TXN2: variants seen among roughly 807,000 people sequenced by gnomAD.
TXN2 encodes thioredoxin 2, also known as thioredoxin, mitochondrial.
Under a neutral mutation model 14.6 loss-of-function variants are expected in TXN2, and 12 were observed. The observed-to-expected ratio is 0.82, with a 90% CI of 0.53 to 1.33. The LOEUF (loss-of-function observed/expected upper bound fraction) is 1.33. TXN2 is among the 40% of genes most tolerant of loss of function. TXN2 has a pLI of 0.00. For synonymous variants in TXN2, 89 were observed against 81.0 expected, an observed-to-expected ratio of 1.10 and a Z score of -0.53; for missense variants, 173 against 207.7, an observed-to-expected ratio of 0.83 and a Z score of 1.03.
At chr22:36,471,665 T>A (rs1026719642) in intron 3 of TXN2, among the ~76,000 whole-genome samples, 3 of 152,176 alleles carry the variant, frequency 2.0e-5, no homozygotes, top group Non-Finnish European at 4.4e-5. Flanking sequence ...GGTGAGCAAC[T>A]GTTCCAAAAT....
chr22:36,480,878 G>C, intron 1 of TXN2, 41 bp from the exon 2 acceptor site: 1 of 1,514,780 alleles, frequency 6.6e-7, no homozygotes, highest in Non-Finnish European at 8.8e-7. Flanking sequence ...CACACAAAAG[G>C]AAGTCGACAC....
intron 3 of TXN2, 96 bp from the exon 4 acceptor site, chr22:36,468,013 C>G (rs1028166985): frequency 2.8e-6 from 3 of 1,065,216 alleles, no homozygotes; most frequent in Middle Eastern, 2.0e-4. Flanking sequence ...GTGGCTTATC[C>G]AGGGCACTGA....
rs192827377 is a variant in TXN2, at chr22:36,473,870, G to A, written c.387+2863C>T. Among the ~76,000 whole-genome samples, 177 of 152,302 alleles carry A rather than the reference G, an allele frequency of 1.2e-3. 3 individuals carry two copies. The Middle Eastern group carries it at 0.037, about 32-fold the overall frequency. ...CCCGGGGACGGTCCTCGGCATTCCC[G>A]CCACCCCACGAGACACTGGAGCAGG... is the stretch of plus-strand genomic sequence containing the variant. On this transcript the variant is annotated intron_variant, in intron 3 of 3. Transcript: ENST00000216185.
chr22:36,468,566 C>A (rs1049083275), intron 3 of TXN2: 3 of 350,260 alleles, frequency 8.6e-6, no homozygotes, highest in African/African-American at 4.4e-5. Context: ...TTTACTAAAC[C>A]CCCCCAAAAT....
At chr22:36,475,645 A>G (rs942744760) in intron 3 of TXN2, among the ~76,000 whole-genome samples, 1 of 152,154 alleles carries the variant, frequency 6.6e-6, no homozygotes, top group Admixed American at 6.5e-5. Context: ...TCCAATACCA[A>G]CCAGTCCTTT....
chr22:36,471,911 A>C (rs1478258394), intron 3 of TXN2, among the ~76,000 whole-genome samples: 2 of 151,216 alleles, frequency 1.3e-5, no homozygotes, highest in African/African-American at 4.9e-5. Flanking sequence ...TGGAGGTCGC[A>C]GTGAGCCGAG....
intron 2 of TXN2, 40 bp downstream of exon 2, chr22:36,480,535 C>A: frequency 6.3e-7 from 1 of 1,593,030 alleles, no homozygotes. Context: ...AATACTTGAA[C>A]AAGTAGGACC....
At chr22:36,478,132 C>CAAA (rs778032940) in intron 2 of TXN2, among the ~76,000 whole-genome samples, 1,750 of 67,322 alleles carry the variant, frequency 0.026, 65 homozygotes, top group African/African-American at 0.089. Flanking sequence ...GACTCTGTCT[C>CAAA]AAAAAAAAAA....
chr22:36,479,211 G>GTA (rs1012480238), intron 2 of TXN2, among the ~76,000 whole-genome samples: 1 of 152,170 alleles, frequency 6.6e-6, no homozygotes, highest in African/African-American at 2.4e-5. Flanking sequence ...TACAAGTGAA[G>GTA]AAAGGGAGCA....
intron 2 of TXN2, 104 bp from the exon 3 acceptor site, chr22:36,476,960 T>C (rs531288808): frequency 7.9e-5 from 121 of 1,534,298 alleles, no homozygotes; most frequent in Non-Finnish European, 1.0e-4. Context: ...TTGCCCTTAT[T>C]ATCTCTGTTT....
intron 3 of TXN2, among the ~76,000 whole-genome samples, chr22:36,473,843 C>G (rs534465204): frequency 6.6e-6 from 1 of 152,376 alleles, no homozygotes; most frequent in South Asian, 2.1e-4. Flanking sequence ...CCACAACAGC[C>G]TCCCGGGGAC....
chr22:36,474,278 C>T (rs753036199), intron 3 of TXN2, among the ~76,000 whole-genome samples: 1 of 152,162 alleles, frequency 6.6e-6, no homozygotes, highest in Admixed American at 6.6e-5. Context: ...CTGTAGTGGC[C>T]ACCGTGTTTG....
At position 36,470,521 on chromosome 22, in the gene TXN2, C is replaced by T. The variant is rs187307314; in HGVS notation, c.388-2604G>A. On this transcript the variant is annotated intron_variant, in intron 3 of 3. Transcript: ENST00000216185. ...CACCGGCTCCCACCTGCACACTGTCCTATTCCTTTAATTAAAATATATGCT... is the reference window on the plus strand; with the variant it reads ...CACCGGCTCCCACCTGCACACTGTCTTATTCCTTTAATTAAAATATATGCT... Among the ~76,000 whole-genome samples, 1,006 of 152,282 alleles carry T rather than the reference C, an allele frequency of 6.6e-3. 8 individuals are homozygous for T. Among genetic ancestry groups the T allele is most frequent in the Non-Finnish European group, 9.0e-3 (611 of 68,030 alleles).
chr22:36,475,702 C>T (rs1466240676), intron 3 of TXN2, among the ~76,000 whole-genome samples: 1 of 152,202 alleles, frequency 6.6e-6, no homozygotes, highest in African/African-American at 2.4e-5. Flanking sequence ...AGAATGTAGA[C>T]TCCACGGAGG....
intron 2 of TXN2, among the ~76,000 whole-genome samples, chr22:36,477,865 G>C (rs1194098874): frequency 1.3e-5 from 2 of 152,070 alleles, no homozygotes; most frequent in Non-Finnish European, 2.9e-5. Flanking sequence ...GGCCGGGTGC[G>C]GTGACCCACG....
At chr22:36,469,092 A>C (rs1165671055) in intron 3 of TXN2, among the ~76,000 whole-genome samples, 2 of 152,176 alleles carry the variant, frequency 1.3e-5, no homozygotes, top group Non-Finnish European at 2.9e-5. Context: ...AGCAGAGCTC[A>C]GGTTCTGGCG....
Position 36,480,830 on chromosome 22 carries a change from T to A in TXN2, c.8A>T (p.Gln3Leu). Residue 3 changes from glutamine to leucine, a missense_variant, in exon 2 of 4, where the codon CAG becomes CTG. Gln to Leu is a moderately radical substitution (Grantham distance 113). Coordinates refer to ENST00000216185, the MANE Select transcript of TXN2 (RefSeq NM_012473.4). MA[Q>L]RLLLRRFLAS... ...CAGGAACCTCCTCAGAAGAAGTCGC[T>A]GAGCCATCTGTGAGGGAAAGAGGCA... 7.0e-6 allele frequency: 11 copies of A among 1,565,676 alleles called. No homozygotes were observed. The highest frequency in any genetic ancestry group is 9.5e-6 in the Non-Finnish European group (11 of 1,155,314).
At position 36,481,577 on chromosome 22, in the gene TXN2, G is replaced by C; in HGVS notation, c.-14C>G. 1.0e-6 allele frequency: 1 copy of C among 1,000,248 alleles called. No individual in the cohort carries two copies. The highest frequency in any genetic ancestry group is 1.2e-6 in the Non-Finnish European group (1 of 830,004). The allele number at this position is 1,000,248 out of a possible 1,614,324, so 62.0% of individuals were successfully genotyped here. A position where few individuals can be genotyped will look rare whatever the true frequency, so the allele number is the denominator to read the frequency against. On this transcript the variant is annotated 5_prime_UTR_variant, in exon 1 of 4. Coordinates refer to ENST00000216185, the MANE Select transcript of TXN2 (RefSeq NM_012473.4). ...CAGGGCTCCTACCTCCCTGCAATGC[G>C]AGCGGAGGGATGCACAGCCTAGCCC...
chr22:36,472,686 G>A (rs1279206594), intron 3 of TXN2, among the ~76,000 whole-genome samples: 1 of 152,134 alleles, frequency 6.6e-6, no homozygotes, highest in Non-Finnish European at 1.5e-5. Context: ...TGAGGGGCAG[G>A]AAGGAGAGGT....
Sources: gnomAD v4.1 joint callset for allele counts (sites outside exome capture counted in the v4.1 genomes callset) on GRCh38, gnomAD v4.1.1 for gene constraint, MANE v1.5 for transcripts, NCBI Gene and HGNC (gene_info 2026-07-23, HGNC 2026-07-21) for gene names.